Variants in RFX6 observed in about 807,000 individuals in gnomAD.
RFX6 encodes DNA-binding protein RFX6.
RFX6 carries 50 observed loss-of-function variants against 110.8 expected under a neutral mutation model. That is an observed-to-expected ratio of 0.45 (90% CI 0.36 to 0.57). The LOEUF is 0.57. Among genes scored for constraint, RFX6 ranks in the 20% least tolerant of loss-of-function variants. The probability of loss-of-function intolerance (pLI) is 0.00; values close to 1 mark genes in which losing one functional copy is unlikely to be tolerated. For missense variants in RFX6, 990 were observed against 1,127.0 expected (o/e 0.88, Z 1.74); for synonymous variants, 383 against 411.2 (o/e 0.93, Z 0.83).
Position 116,916,096 on chromosome 6 carries a change from CAAAG to C in RFX6, c.858+14_858+17del. On this transcript the variant is annotated intron_variant, in intron 8 of 18. Coordinates refer to ENST00000332958, the MANE Select transcript of RFX6 (RefSeq NM_173560.4). ...GGAAACTTTGAAGAGGTAAGAATGACAAAGAATGCTTTATTTGACCCTATTATAT... is the reference window on the plus strand; with the variant it reads ...GGAAACTTTGAAGAGGTAAGAATGACAATGCTTTATTTGACCCTATTATAT... 1 of 1,590,886 alleles carries C rather than the reference CAAAG, an allele frequency of 6.3e-7. No individual in the cohort carries two copies. Among genetic ancestry groups the C allele is most frequent in the Non-Finnish European group, 8.6e-7 (1 of 1,159,386 alleles).
chr6:116,915,544 C>T (rs1311809570), intron 7 of RFX6, among the ~76,000 whole-genome samples: 1 of 152,052 alleles, frequency 6.6e-6, no homozygotes, highest in African/African-American at 2.4e-5. Context: ...AATTTGAAAC[C>T]ATTATGCCAT....
At position 116,926,963 on chromosome 6, in the gene RFX6, T is replaced by G. The variant is rs1775751381; in HGVS notation, c.1886-64T>G. The G allele has an allele frequency of 4.3e-6, 6 of 1,381,086 alleles. No homozygotes were observed. In the East Asian group the frequency reaches 1.4e-4, roughly 32 times the overall value. 85.6% of individuals were successfully genotyped at this position (1,381,086 alleles called of 1,614,324 possible). A position where few individuals can be genotyped will look rare whatever the true frequency, so the allele number is the denominator to read the frequency against. On this transcript the variant is annotated intron_variant, in intron 16 of 18. Transcript: ENST00000332958. ...CATTAATAAATCTTTTGAATATTTTTTAAAGATGTGAGCTCATCTACTTTA... is the reference window on the plus strand; with the variant it reads ...CATTAATAAATCTTTTGAATATTTTGTAAAGATGTGAGCTCATCTACTTTA...
At chr6:116,889,744 G>A (rs967096870) in intron 4 of RFX6, among the ~76,000 whole-genome samples, 3 of 152,104 alleles carry the variant, frequency 2.0e-5, no homozygotes, top group African/African-American at 7.2e-5. Context: ...TGTTAGATAA[G>A]AGATTCTTTA....
At chr6:116,913,991 A>G (rs1431482141) in intron 7 of RFX6, among the ~76,000 whole-genome samples, 1 of 152,210 alleles carries the variant, frequency 6.6e-6, no homozygotes, top group Non-Finnish European at 1.5e-5. Flanking sequence ...TGTAAGCTAT[A>G]ATCACCCTAC....
intron 4 of RFX6, among the ~76,000 whole-genome samples, chr6:116,893,396 C>T (rs904982101): frequency 2.0e-5 from 3 of 152,214 alleles, no homozygotes; most frequent in Non-Finnish European, 4.4e-5. Flanking sequence ...AACAAATTAT[C>T]TACAGCACTG....
chr6:116,914,466 TTA>T (rs1342276414), intron 7 of RFX6, among the ~76,000 whole-genome samples: 1 of 152,180 alleles, frequency 6.6e-6, no homozygotes, highest in African/African-American at 2.4e-5. Flanking sequence ...TTGACAACAG[TTA>T]TGACTTCCCT....
rs1775897504 is a variant in RFX6, at chr6:116,932,057, C to T, written c.*551C>T. 1.3e-5 allele frequency: 2 copies of T among 153,590 alleles called. No individual in the cohort carries two copies. Among genetic ancestry groups the T allele is most frequent in the Non-Finnish European group, 2.9e-5 (2 of 68,786 alleles). The allele number at this position is 153,590 out of a possible 1,614,324, so 9.5% of individuals were successfully genotyped here. On this transcript the variant is annotated 3_prime_UTR_variant, in exon 19 of 19. Transcript: ENST00000332958. The stretch of plus-strand genomic sequence containing the variant: ...TGTGCATTAGTGTGATGATTTCTGT[C>T]ACATAGCAGCATTCCGATTCTATGT...
Position 116,928,823 on chromosome 6 carries a change from C to T in RFX6, c.2463C>T (p.His821=), listed in dbSNP as rs770206691. 16 of 1,613,844 alleles carry T rather than the reference C, an allele frequency of 9.9e-6. No homozygotes were observed. The highest frequency in any genetic ancestry group is 1.6e-4 in the Middle Eastern group (1 of 6,082). The change falls in exon 18 of 19, where the codon CAC becomes CAT. Residue 821 remains histidine (H), a synonymous_variant. Coordinates refer to ENST00000332958, the MANE Select transcript of RFX6 (RefSeq NM_173560.4). ...GGCTCGGATCAATGGTGAATCAGCA[C>T]GTTTCTGTCATCAGCAGCATTCGTT... ...SHRLGSMVNQ[H]VSVISSIRSL...
intron 9 of RFX6, 93 bp from the exon 10 acceptor site, chr6:116,917,944 G>C (rs1775503988): frequency 3.6e-6 from 3 of 832,438 alleles, no homozygotes; most frequent in Admixed American, 1.9e-5. Flanking sequence ...TATTCTCTAG[G>C]AAGCTAGGAA....
At position 116,916,343 on chromosome 6, in the gene RFX6, A is replaced by G. The variant is rs1373440266; in HGVS notation, c.972+29A>G. On this transcript the variant is annotated intron_variant, in intron 9 of 18. Transcript: ENST00000332958. ...AGCACTTTGGGATGTCTTAAACATG[A>G]GCCATTTATTTCTTTACGTAGCATT... 5.5e-6 allele frequency: 7 copies of G among 1,281,994 alleles called. No homozygotes were observed. The Admixed American group carries it at 1.2e-4, about 22-fold the overall frequency. 79.4% of individuals were successfully genotyped at this position (1,281,994 alleles called of 1,614,324 possible). A position where few individuals can be genotyped will look rare whatever the true frequency, so the allele number is the denominator to read the frequency against.
At position 116,927,251 on chromosome 6, in the gene RFX6, C is replaced by A; in HGVS notation, c.2110C>A (p.Gln704Lys). ...HDFYSTSSNY[Q>K]TVFRAQPHST... ...CTTTTATAGCACCAGCTCTAACTAC[C>A]AGACTGTGTTTAGGGCACAGCCCCA... Residue 704 changes from glutamine to lysine, a missense_variant, in exon 17 of 19, where the codon CAG becomes AAG. Around this residue, in one of 5 missense-constraint regions of RFX6, gnomAD observed 438 missense variants for 441.9 expected, o/e 0.99. Transcript: ENST00000332958. 1 of 1,614,208 alleles carries A rather than the reference C, an allele frequency of 6.2e-7. No individual in the cohort carries two copies. Among genetic ancestry groups the A allele is most frequent in the Non-Finnish European group, 8.5e-7 (1 of 1,180,036 alleles).
At chr6:116,922,997 T>A (rs1232928827) in intron 13 of RFX6, 110 bp from the exon 14 acceptor site, 1 of 760,244 alleles carries the variant, frequency 1.3e-6, no homozygotes, top group Non-Finnish European at 2.4e-6. Context: ...ATAAATGCCA[T>A]GCCATCTGTC....
Position 116,919,430 on chromosome 6 carries a change from G to A in RFX6, c.1182+134G>A, listed in dbSNP as rs1321366. The A allele has an allele frequency of 0.34, 266,463 of 794,408 alleles. 46,692 individuals are homozygous for A. Among genetic ancestry groups the A allele is most frequent in the African/African-American group, 0.45 (26,341 of 58,800 alleles). 49.2% of individuals were successfully genotyped at this position (794,408 alleles called of 1,614,324 possible). ...ACAACTAAATGCAACGTGAGACCCAGAAGTGAATGCTATGATAGAAAAAGC... is the reference window on the plus strand; with the variant it reads ...ACAACTAAATGCAACGTGAGACCCAAAAGTGAATGCTATGATAGAAAAAGC... On this transcript the variant is annotated intron_variant, in intron 11 of 18. Transcript: ENST00000332958.
chr6:116,877,685 C>G, intron 1 of RFX6, 111 bp from the exon 2 acceptor site: 1 of 1,154,804 alleles, frequency 8.7e-7, no homozygotes, highest in South Asian at 1.3e-5. Context: ...CCTTTCCTCC[C>G]CTCCGCCCCC....
intron 2 of RFX6, among the ~76,000 whole-genome samples, chr6:116,879,733 G>T (rs966685155): frequency 1.3e-5 from 2 of 151,878 alleles, no homozygotes; most frequent in East Asian, 1.9e-4. Context: ...GGAAAACTGG[G>T]ATTGGAATCT....
intron 6 of RFX6, among the ~76,000 whole-genome samples, chr6:116,900,803 T>G (rs1582520192): frequency 6.6e-6 from 1 of 152,250 alleles, no homozygotes; most frequent in Admixed American, 6.5e-5. Flanking sequence ...TGAATATTAT[T>G]TATTAAAAGG....
In RFX6 at chr6:116,877,810, A is replaced by G. The variant is rs777406021; in HGVS notation, c.238A>G (p.Asn80Asp). The G allele has an allele frequency of 6.2e-7, 1 of 1,614,088 alleles. No individual in the cohort carries two copies. Among genetic ancestry groups the G allele is most frequent in the Admixed American group, 1.7e-5 (1 of 60,008 alleles). Residue 80 changes from asparagine to aspartate, a missense_variant, in exon 2 of 19, where the codon AAT (asparagine) becomes GAT (aspartate). This residue lies in a region of RFX6 where 175 missense variants were observed against 162.3 expected (regional missense o/e 1.08). Transcript: ENST00000332958. ...CTGGCAATCAGAAATGCACTTAAAC[A>G]ATGGTAACTTTTCCTCTGAAGAAGA... ...GAVKSEMHLN[N>D]GNFSSEEEDA...
intron 16 of RFX6, among the ~76,000 whole-genome samples, chr6:116,926,787 C>T (rs767967976): frequency 1.3e-5 from 2 of 152,176 alleles, no homozygotes; most frequent in African/African-American, 2.4e-5. Flanking sequence ...ATGAAGCCAT[C>T]GCAGACTTTC....
chr6:116,879,632 T>C (rs1774544219), intron 2 of RFX6, among the ~76,000 whole-genome samples: 1 of 151,940 alleles, frequency 6.6e-6, no homozygotes, highest in Admixed American at 6.5e-5. Context: ...GACTCTATAT[T>C]GCATCGTTTC....
Sources: allele counts gnomAD v4.1 joint callset (sites outside exome capture counted in the v4.1 genomes callset), GRCh38; gene constraint gnomAD v4.1.1; regional missense constraint gnomAD v4.1.1; transcripts MANE v1.5; gene names NCBI Gene and HGNC (gene_info 2026-07-23, HGNC 2026-07-21).